The following RBM28 variants were observed in gnomAD, a reference collection of about 807,000 sequenced individuals.
RBM28 encodes the protein RNA-binding protein 28.
Under a neutral mutation model 98.3 loss-of-function variants are expected in RBM28, and 78 were observed. That is an observed-to-expected ratio of 0.79 (90% CI 0.66 to 0.96). The LOEUF (loss-of-function observed/expected upper bound fraction) is 0.96. Ranked by LOEUF, RBM28 falls within the 40% of genes least tolerant of loss-of-function variation. RBM28 has a pLI of 0.00. For missense variants in RBM28, 838 were observed against 913.0 expected (o/e 0.92, Z 1.06); for synonymous variants, 306 against 330.9 (o/e 0.92, Z 0.82).
In RBM28 at chr7:128,330,804, G is replaced by C. The variant is rs762861853; in HGVS notation, c.1129+15C>G. On this transcript the variant is annotated intron_variant, in intron 10 of 18. Coordinates refer to ENST00000223073, the MANE Select transcript of RBM28 (RefSeq NM_018077.3). ...TCTCAACCCTTTTAGGGCCTGGCCA[G>C]CTGACAACACATACCTTTAGAATGC... is the stretch of plus-strand genomic sequence containing the variant. The C allele has an allele frequency of 7.8e-5, 124 of 1,591,812 alleles. No homozygotes were observed. Among genetic ancestry groups the C allele is most frequent in the Non-Finnish European group, 1.0e-4 (120 of 1,159,912 alleles).
chr7:128,337,008 T>C, intron 6 of RBM28, 123 bp downstream of exon 6: 1 of 1,039,654 alleles, frequency 9.6e-7, no homozygotes, highest in Non-Finnish European at 1.5e-6. Flanking sequence ...GTGCTGGAAT[T>C]ACAGGCAAGA....
intron 16 of RBM28, 21 bp from the exon 17 acceptor site, chr7:128,315,041 C>A: frequency 1.9e-6 from 3 of 1,614,140 alleles, no homozygotes; most frequent in Non-Finnish European, 2.5e-6. Flanking sequence ...CAAGAAAATG[C>A]CATCTGGTTT....
chr7:128,336,045 A>C lies in RBM28; in HGVS notation c.614-3T>G. ...AGATTCATGGCTCTTTTCCTCACCT[A>C]TGGAGGGAGGTAAAGAAAGGAGGAA... On this transcript the variant is annotated splice_polypyrimidine_tract_variant and splice_region_variant and intron_variant, in intron 6 of 18. Coordinates refer to ENST00000223073, the MANE Select transcript of RBM28 (RefSeq NM_018077.3). The C allele has an allele frequency of 4.4e-6, 7 of 1,605,450 alleles. No homozygotes were observed. The highest frequency in any genetic ancestry group is 6.0e-6 in the Non-Finnish European group (7 of 1,175,384).
chr7:128,339,149 TGAG>T, intron 3 of RBM28, 75 bp downstream of exon 3: 1 of 1,237,886 alleles, frequency 8.1e-7, no homozygotes, highest in Non-Finnish European at 1.2e-6. Context: ...ACCATCTTGG[TGAG>T]GAGTTCTACT....
chr7:128,326,181 G>T (rs1004665498), intron 10 of RBM28, among the ~76,000 whole-genome samples: 29 of 151,144 alleles, frequency 1.9e-4, no homozygotes, highest in Non-Finnish European at 4.1e-4. Context: ...GCGGGCACCT[G>T]TAGTCCCAGT....
chr7:128,331,042 C>CT, intron 9 of RBM28, 114 bp from the exon 10 acceptor site: 1 of 761,048 alleles, frequency 1.3e-6, no homozygotes, highest in Non-Finnish European at 2.3e-6. Context: ...AGAAATAGCA[C>CT]TAATACATAG....
intron 18 of RBM28, 82 bp from the exon 19 acceptor site, chr7:128,311,013 A>AC: frequency 1.4e-6 from 2 of 1,394,366 alleles, no homozygotes; most frequent in Non-Finnish European, 1.0e-6. Flanking sequence ...CCCAAGAGAG[A>AC]AAGTAAGTGG....
At chr7:128,312,995 G>A in intron 18 of RBM28, 180 bp downstream of exon 18, 1 of 647,646 alleles carries the variant, frequency 1.5e-6, no homozygotes, top group Admixed American at 2.6e-5. Flanking sequence ...ATACGTGGAG[G>A]TTCATTTTAC....
chr7:128,335,726 C>T, intron 7 of RBM28, 47 bp from the exon 8 acceptor site: 1 of 1,613,892 alleles, frequency 6.2e-7, no homozygotes, highest in African/African-American at 1.3e-5. Context: ...GACAGAGGGC[C>T]TATTCAATTT....
intron 14 of RBM28, among the ~76,000 whole-genome samples, chr7:128,319,872 C>T (rs974955329): frequency 5.9e-5 from 9 of 152,040 alleles, no homozygotes; most frequent in African/African-American, 1.7e-4. Flanking sequence ...CAGGAATTTG[C>T]GACCAGCCTG....
intron 5 of RBM28, among the ~76,000 whole-genome samples, chr7:128,337,480 T>TA (rs1478250694): frequency 6.6e-6 from 1 of 150,418 alleles, no homozygotes; most frequent in Non-Finnish European, 1.5e-5. Flanking sequence ...TGTTTCCAGT[T>TA]AGACTATCAG....
At chr7:128,317,551 CA>C (rs1024084901) in intron 16 of RBM28, 107 bp downstream of exon 16, 8 of 876,504 alleles carry the variant, frequency 9.1e-6, no homozygotes, top group South Asian at 1.4e-5. Context: ...GAACTAGGAG[CA>C]AAAAAACCTA....
chr7:128,326,172 C>T (rs951759483), intron 10 of RBM28, among the ~76,000 whole-genome samples: 1 of 151,914 alleles, frequency 6.6e-6, no homozygotes, highest in Admixed American at 6.6e-5. Context: ...GGCGTGGTGG[C>T]GGGCACCTGT....
intron 10 of RBM28, among the ~76,000 whole-genome samples, chr7:128,329,139 GC>G (rs1796416937): frequency 6.6e-6 from 1 of 151,750 alleles, no homozygotes; most frequent in African/African-American, 2.4e-5. Flanking sequence ...TGCTCTTGTT[GC>G]CCAGGCTAGA....
chr7:128,333,452 T>A lies in RBM28; in HGVS notation c.947-90A>T. On this transcript the variant is annotated intron_variant, in intron 8 of 18. Transcript: ENST00000223073. The stretch of plus-strand genomic sequence containing the variant: ...CTTCTTAAGTACATAAAGATAAGCC[T>A]GGCGCAGTGGCTCATGCCACTTTGA... 3.7e-6 allele frequency: 4 copies of A among 1,090,342 alleles called. No individual in the cohort carries two copies. In the South Asian group the frequency reaches 5.3e-5, roughly 14 times the overall value. 67.5% of individuals were successfully genotyped at this position (1,090,342 alleles called of 1,614,324 possible).
rs761804111 is a variant in RBM28, at chr7:128,335,646, A to G, written c.843T>C (p.Ser281=). The G allele has an allele frequency of 4.3e-6, 7 of 1,614,090 alleles. No homozygotes were observed. Among genetic ancestry groups the G allele is most frequent in the Non-Finnish European group, 5.9e-6 (7 of 1,180,034 alleles). ...GGTCACTGTCCTCCTCAGAATGATCACTGCTTTTTGCAGGGGCTGGTCTCT... is the reference window on the plus strand; with the variant it reads ...GGTCACTGTCCTCCTCAGAATGATCGCTGCTTTTTGCAGGGGCTGGTCTCT... ...AVKRPAPAKS[S]DHSEEDSDLE... The change falls in exon 8 of 19, where the codon AGT becomes AGC. Residue 281 remains serine (S), a synonymous_variant. Transcript: ENST00000223073.
Position 128,300,377 on chromosome 7 carries a change from A to G in RBM28, c.*10420T>C. Reference sequence around the variant, plus strand: ...ACATTTGAGATGAATCAGCACTGATAGCTGGAATGTGAGCTCCCAAGTGGC... The same window carrying G: ...ACATTTGAGATGAATCAGCACTGATGGCTGGAATGTGAGCTCCCAAGTGGC... On this transcript the variant is annotated 3_prime_UTR_variant, in exon 19 of 19. Coordinates refer to ENST00000223073, the MANE Select transcript of RBM28 (RefSeq NM_018077.3). 1 of 152,446 alleles carries G rather than the reference A, an allele frequency of 6.6e-6. No homozygotes were observed. Among genetic ancestry groups the G allele is most frequent in the Non-Finnish European group, 1.5e-5 (1 of 68,142 alleles). The allele number at this position is 152,446 out of a possible 1,614,324, so 9.4% of individuals were successfully genotyped here.
chr7:128,325,888 C>T lies in RBM28; in HGVS notation c.1133G>A (p.Cys378Tyr). 6.2e-7 allele frequency: 1 copy of T among 1,613,262 alleles called. No homozygotes were observed. Among genetic ancestry groups the T allele is most frequent in the Non-Finnish European group, 8.5e-7 (1 of 1,179,450 alleles). ...LHPDTEHSKGCAFAQFMTQEA... is the reference protein window; with the variant it reads ...LHPDTEHSKGYAFAQFMTQEA... ...TTGAGTCATGAACTGGGCAAATGCACAACCTGCACAAGGAGACACAATTCA... is the reference window on the plus strand; with the variant it reads ...TTGAGTCATGAACTGGGCAAATGCATAACCTGCACAAGGAGACACAATTCA... The change falls in exon 11 of 19, where the codon TGT (cysteine) becomes TAT (tyrosine). Residue 378 changes from cysteine (C) to tyrosine (Y), a missense_variant. Cys to Tyr is a radical substitution (Grantham distance 194, BLOSUM62 -2). Transcript: ENST00000223073.
At position 128,298,061 on chromosome 7, in the gene RBM28, G is replaced by C. The variant is rs1215055109; in HGVS notation, c.*12736C>G. ...TAGATGACGAGTTAGTGGGTGCAGC[G>C]ACCAGCATGTCACATGTATACATAT... On this transcript the variant is annotated 3_prime_UTR_variant, in exon 19 of 19. Transcript: ENST00000223073. The C allele has an allele frequency of 3.3e-4, 48 of 144,346 alleles. No homozygotes were observed. The highest frequency in any genetic ancestry group is 7.1e-3 in the Middle Eastern group (2 of 280). The allele number at this position is 144,346 out of a possible 1,614,324, so 8.9% of individuals were successfully genotyped here.
Sources: allele counts gnomAD v4.1 joint callset (sites outside exome capture counted in the v4.1 genomes callset), GRCh38; gene constraint gnomAD v4.1.1; transcripts MANE v1.5; gene names NCBI Gene and HGNC (gene_info 2026-07-23, HGNC 2026-07-21).